The following MRE11 variants were observed in gnomAD, a reference collection of about 807,000 sequenced individuals.
The protein encoded by MRE11 is double-strand break repair protein MRE11.
A neutral mutation model predicts 91.7 loss-of-function variants in MRE11; 62 were observed. The observed-to-expected ratio is 0.68, with a 90% CI of 0.55 to 0.84. The LOEUF is 0.84. MRE11 is among the 40% of genes least tolerant of loss of function. The probability of loss-of-function intolerance (pLI) is 0.00; values close to 1 mark genes in which losing one functional copy is unlikely to be tolerated. For missense variants in MRE11, 796 were observed against 852.9 expected (o/e 0.93, Z 0.83); for synonymous variants, 273 against 271.4 (o/e 1.01, Z -0.06).
rs1210485597 is a variant in MRE11 at position 94,446,021 on chromosome 11, T to C, written c.1784-128A>G. 6 of 720,860 alleles carry C rather than the reference T, an allele frequency of 8.3e-6. No homozygotes were observed. The East Asian group carries it at 1.5e-4, about 18-fold the overall frequency. 44.7% of individuals were successfully genotyped at this position (720,860 alleles called of 1,614,324 possible). ...TTGTCTGTAAAAAGCCAGACATATA[T>C]ATAAGAACAAACATCTAGAGTCTGA... On this transcript the variant is annotated intron_variant, in intron 15 of 19. Transcript: ENST00000323929.
the MRE11 span, among the ~76,000 whole-genome samples, chr11:94,511,179 C>T: frequency 1.3e-5 from 2 of 151,092 alleles, no homozygotes; most frequent in Admixed American, 1.3e-4. Context: ...CTCTCGCTCT[C>T]TCTCTATATA....
intron 14 of MRE11, among the ~76,000 whole-genome samples, chr11:94,451,863 A>G (rs1418039224): frequency 3.3e-5 from 5 of 152,228 alleles, no homozygotes; most frequent in African/African-American, 1.2e-4. Context: ...GAGAGGGCAC[A>G]CACACACAAA....
chr11:94,434,535 T>C (rs1462349036), intron 18 of MRE11, among the ~76,000 whole-genome samples: 4 of 152,208 alleles, frequency 2.6e-5, no homozygotes, highest in African/African-American at 9.6e-5. Flanking sequence ...TGAGAAACAC[T>C]GATATAAGGC....
the MRE11 span, among the ~76,000 whole-genome samples, chr11:94,505,980 C>G: frequency 6.6e-6 from 1 of 152,188 alleles, no homozygotes; most frequent in African/African-American, 2.4e-5. Context: ...TACCAAGTAG[C>G]CTAAGTGTGT....
chr11:94,478,017 T>C (rs1296162466), intron 6 of MRE11, among the ~76,000 whole-genome samples: 2 of 152,008 alleles, frequency 1.3e-5, no homozygotes, highest in Admixed American at 1.3e-4. Context: ...AAAAGAGTTC[T>C]AGAGTTTATA....
At chr11:94,476,861 C>G (rs1000859108) in intron 6 of MRE11, among the ~76,000 whole-genome samples, 3 of 152,108 alleles carry the variant, frequency 2.0e-5, no homozygotes, top group African/African-American at 7.2e-5. Context: ...GCTGGGATTA[C>G]AGCATGCACC....
chr11:94,484,935 G>A (rs1048428532), intron 4 of MRE11, among the ~76,000 whole-genome samples: 1 of 152,216 alleles, frequency 6.6e-6, no homozygotes, highest in African/African-American at 2.4e-5. Context: ...TGATGGGCCA[G>A]AAGCGGTAGC....
In MRE11 at chr11:94,432,767, C is replaced by T. The variant is rs549895958; in HGVS notation, c.1995-2781G>A. Among the ~76,000 whole-genome samples the T allele has an allele frequency of 9.2e-5, 14 of 152,344 alleles. No individual in the cohort carries two copies. The South Asian group carries it at 2.9e-3, about 32-fold the overall frequency. On this transcript the variant is annotated intron_variant, in intron 18 of 19. Coordinates refer to ENST00000323929, the MANE Select transcript of MRE11 (RefSeq NM_005591.4). Reference sequence around the variant, plus strand: ...CTTGCAGTGAGCCGAGATCGCGCCACTGCACTCCAGCCTGGGAGACAGAGC... The same window carrying T: ...CTTGCAGTGAGCCGAGATCGCGCCATTGCACTCCAGCCTGGGAGACAGAGC...
intron 10 of MRE11, chr11:94,466,439 AT>A: frequency 1.9e-6 from 1 of 523,112 alleles, no homozygotes. Context: ...ACGGGAACAG[AT>A]TACCTACTGT....
At chr11:94,478,977 CAA>C (rs1946946574) in intron 5 of MRE11, 101 bp from the exon 6 acceptor site, 1 of 1,304,318 alleles carries the variant, frequency 7.7e-7, no homozygotes, top group African/African-American at 1.5e-5. Flanking sequence ...ATTCTACTTA[CAA>C]AAACATAGAT....
chr11:94,462,268 G>T (rs559431920), intron 11 of MRE11, among the ~76,000 whole-genome samples: 1 of 152,080 alleles, frequency 6.6e-6, no homozygotes, highest in African/African-American at 2.4e-5. Context: ...ACTGCTCAAC[G>T]AAATAAAAGA....
chr11:94,484,137 A>G (rs1052008650), intron 4 of MRE11, among the ~76,000 whole-genome samples: 1 of 152,216 alleles, frequency 6.6e-6, no homozygotes, highest in Non-Finnish European at 1.5e-5. Flanking sequence ...TCTCAAAAGG[A>G]GCCCAATGGC....
chr11:94,470,426 T>A (rs1281713022), intron 9 of MRE11, 45 bp downstream of exon 9: 2 of 1,570,942 alleles, frequency 1.3e-6, no homozygotes, highest in South Asian at 2.2e-5. Context: ...GGTGAATAAT[T>A]CTTCAACTAA....
chr11:94,497,835 T>G (rs1189431469), upstream of MRE11: 7 of 442,076 alleles, frequency 1.6e-5, no homozygotes, highest in Middle Eastern at 5.7e-4. Flanking sequence ...TGGTTTGATA[T>G]TCAGAGAATC....
intron 19 of MRE11, among the ~76,000 whole-genome samples, chr11:94,425,758 T>A (rs960255267): frequency 5.3e-5 from 8 of 152,192 alleles, no homozygotes; most frequent in African/African-American, 1.9e-4. Flanking sequence ...AGAAAGGTAT[T>A]ATATAATGAT....
At chr11:94,493,491 C>G (rs562090306) in intron 1 of MRE11, 7 of 152,346 alleles carry the variant, frequency 4.6e-5, no homozygotes, top group African/African-American at 1.2e-4. Context: ...CCCACCACAT[C>G]TGGAGCTCCA....
rs148377174 is a variant in MRE11, at chr11:94,466,545, G to A, written c.1098+1268C>T. 11 of 523,454 alleles carry A rather than the reference G, an allele frequency of 2.1e-5. 1 individual carries two copies. Among genetic ancestry groups the A allele is most frequent in the South Asian group, 5.6e-5 (4 of 71,360 alleles). The allele number at this position is 523,454 out of a possible 1,614,324, so 32.4% of individuals were successfully genotyped here. A position where few individuals can be genotyped will look rare whatever the true frequency, so the allele number is the denominator to read the frequency against. On this transcript the variant is annotated intron_variant, in intron 10 of 19. Coordinates refer to ENST00000323929, the MANE Select transcript of MRE11 (RefSeq NM_005591.4). The stretch of plus-strand genomic sequence containing the variant: ...TGCAGTTTTTGCCATTACTTTCTAC[G>A]ACAAAACCCGCAAATACTTTTGCAC...
intron 3 of MRE11, among the ~76,000 whole-genome samples, chr11:94,487,316 G>A (rs1376312965): frequency 6.6e-6 from 1 of 152,120 alleles, no homozygotes; most frequent in African/African-American, 2.4e-5. Context: ...TAAACTGGCT[G>A]GCAGTGACTC....
intron 4 of MRE11, among the ~76,000 whole-genome samples, chr11:94,482,709 G>A (rs900619475): frequency 6.6e-6 from 1 of 152,172 alleles, no homozygotes; most frequent in African/African-American, 2.4e-5. Flanking sequence ...CAAGTCGGGA[G>A]GATCACTTGA....
Sources: gnomAD v4.1 joint callset for allele counts (sites outside exome capture counted in the v4.1 genomes callset) on GRCh38, gnomAD v4.1.1 for gene constraint, MANE v1.5 for transcripts, NCBI Gene and HGNC (gene_info 2026-07-23, HGNC 2026-07-21) for gene names.